Variants in CTPS2 observed in about 807,000 individuals in gnomAD.
CTPS2 encodes the protein CTP synthase 2.
CTPS2 carries 19 observed loss-of-function variants against 46.8 expected under a neutral mutation model. That is an observed-to-expected ratio of 0.41 (90% confidence interval 0.28 to 0.60). The LOEUF (loss-of-function observed/expected upper bound fraction) is 0.60, where lower values mean the gene tolerates loss of function less well. Ranked by LOEUF, CTPS2 falls within the 20% of genes least tolerant of loss-of-function variation. The probability of loss-of-function intolerance (pLI) is 0.35; values close to 1 mark genes in which losing one functional copy is unlikely to be tolerated. For synonymous variants in CTPS2, 151 were observed against 165.2 expected (o/e 0.91, Z 0.66); for missense variants, 286 against 447.6 (o/e 0.64, Z 3.26).
intron 14 of CTPS2, among the ~76,000 whole-genome samples, chrX:16,625,245 G>A (rs1300891608): frequency 8.9e-6 from 1 of 112,608 alleles, no homozygotes; most frequent in African/African-American, 3.2e-5. Context: ...CTACAATATG[G>A]ATGAACCTTG....
intron 13 of CTPS2, among the ~76,000 whole-genome samples, chrX:16,663,775 GAGAGAC>G (rs1360789271): frequency 9.0e-6 from 1 of 111,429 alleles, no homozygotes; most frequent in Non-Finnish European, 1.9e-5. Flanking sequence ...GGGGGCAAAG[GAGAGAC>G]AGTTCTGTAC....
At chrX:16,644,203 T>C (rs1285345576) in intron 13 of CTPS2, among the ~76,000 whole-genome samples, 1 of 109,712 alleles carries the variant, frequency 9.1e-6, no homozygotes, top group Non-Finnish European at 1.9e-5. Context: ...GGCATGATCA[T>C]AGCTCATTAC....
chrX:16,663,457 T>C (rs900660235), intron 13 of CTPS2, among the ~76,000 whole-genome samples: 8 of 111,881 alleles, frequency 7.2e-5, no homozygotes, highest in African/African-American at 2.6e-4. Flanking sequence ...AAGATCTTTT[T>C]TTTAAACGCA....
chrX:16,635,739 G>A (rs780206498), intron 14 of CTPS2, among the ~76,000 whole-genome samples: 1 of 112,400 alleles, frequency 8.9e-6, no homozygotes, highest in African/African-American at 3.2e-5. Flanking sequence ...ATGCCACTCA[G>A]TAGAGCCTTG....
chrX:16,643,878 T>TACTTTTCCCAAGATACCTTCTCC (rs1932190457), intron 13 of CTPS2, among the ~76,000 whole-genome samples: 1 of 111,116 alleles, frequency 9.0e-6, no homozygotes, highest in Admixed American at 9.6e-5. Context: ...CCTCCTTCTC[T>TACTTTTCCCAAGATACCTTCTCC]ACTTTTCCCA....
chrX:16,704,714 G>A (rs1459300700), intron 1 of CTPS2, among the ~76,000 whole-genome samples: 3 of 111,340 alleles, frequency 2.7e-5, no homozygotes, highest in Non-Finnish European at 3.8e-5. Flanking sequence ...TTGGGAGGCT[G>A]AGGCGGGCAG....
chrX:16,667,439 C>A, intron 13 of CTPS2, 75 bp downstream of exon 13: 1 of 1,069,775 alleles, frequency 9.3e-7, no homozygotes, highest in Non-Finnish European at 1.3e-6. Context: ...CAGCCAATAG[C>A]CCCTTATGAA....
At chrX:16,670,948 C>T (rs1921696856) in intron 10 of CTPS2, among the ~76,000 whole-genome samples, 1 of 111,662 alleles carries the variant, frequency 9.0e-6, no homozygotes, top group Admixed American at 9.6e-5. Context: ...AAACCCAATT[C>T]AATTAAGAAT....
chrX:16,672,918 G>A (rs1458411255), intron 10 of CTPS2, among the ~76,000 whole-genome samples: 15 of 79,333 alleles, frequency 1.9e-4, no homozygotes, highest in African/African-American at 4.9e-4. Flanking sequence ...ACGGAGTCTC[G>A]CTCTGTCGCC....
intron 13 of CTPS2, among the ~76,000 whole-genome samples, chrX:16,648,511 T>C (rs889728119): frequency 8.9e-6 from 1 of 112,515 alleles, no homozygotes; most frequent in Admixed American, 9.4e-5. Flanking sequence ...ATAGTTCTTG[T>C]TATGATTAAG....
At chrX:16,600,821 A>G (rs1052830568) in intron 17 of CTPS2, among the ~76,000 whole-genome samples, 9 of 112,517 alleles carry the variant, frequency 8.0e-5, no homozygotes, top group Non-Finnish European at 1.7e-4. Context: ...AGAAAGCAAA[A>G]TAGAATCTTT....
intron 4 of CTPS2, among the ~76,000 whole-genome samples, chrX:16,694,867 C>T (rs938291589): frequency 1.8e-5 from 2 of 111,687 alleles, no homozygotes; most frequent in African/African-American, 6.5e-5. Context: ...GGCGGCACGG[C>T]GCCTATGGTC....
intron 8 of CTPS2, among the ~76,000 whole-genome samples, chrX:16,687,727 T>C (rs150977998): frequency 3.9e-3 from 434 of 110,354 alleles, no homozygotes; most frequent in African/African-American, 0.014. Context: ...CCCCAGAAAA[T>C]CTAAAGCATT....
intron 11 of CTPS2, among the ~76,000 whole-genome samples, chrX:16,668,797 G>A (rs1339690856): frequency 9.4e-6 from 1 of 106,666 alleles, no homozygotes; most frequent in Non-Finnish European, 1.9e-5. Context: ...AAGGAAGGAA[G>A]GAAGGAAGGA....
chrX:16,707,965 G>C (rs749003180), intron 1 of CTPS2, among the ~76,000 whole-genome samples: 1 of 111,061 alleles, frequency 9.0e-6, no homozygotes, highest in African/African-American at 3.3e-5. Flanking sequence ...CTGGACAATA[G>C]GGTGAGACTC....
At position 16,627,055 on chromosome X, in the gene CTPS2, G is replaced by A. The variant is rs768483765; in HGVS notation, c.1394-6723C>T. 7.9e-5 allele frequency: 9 copies of A among 113,441 alleles called. No individual in the cohort carries two copies. The South Asian group carries it at 2.9e-3, about 37-fold the overall frequency. The allele number at this position is 113,441 out of a possible 1,213,427, so 9.3% of individuals were successfully genotyped here. A position where few individuals can be genotyped will look rare whatever the true frequency, so the allele number is the denominator to read the frequency against. Reference sequence around the variant, plus strand: ...TGCAGTTTTTGCCATTATTTTCGACGGCAAAAACCGCAATTACTTTTGCAC... The same window carrying A: ...TGCAGTTTTTGCCATTATTTTCGACAGCAAAAACCGCAATTACTTTTGCAC... On this transcript the variant is annotated intron_variant, in intron 14 of 18. Coordinates refer to ENST00000359276, the MANE Select transcript of CTPS2 (RefSeq NM_175859.3).
At chrX:16,634,058 C>A (rs1274111499) in intron 14 of CTPS2, among the ~76,000 whole-genome samples, 1 of 111,359 alleles carries the variant, frequency 9.0e-6, no homozygotes, top group Non-Finnish European at 1.9e-5. Flanking sequence ...CTCCTTAACG[C>A]GATTAAATAC....
rs1328618034 is a variant in CTPS2 at position 16,589,505 on chromosome X, C to T, written c.*312G>A. ...CCTGGACTCTTGCTCGTCATCCTAA[C>T]ATCCTGATCCGCTGGACAAAACATG... On this transcript the variant is annotated 3_prime_UTR_variant, in exon 19 of 19. Transcript: ENST00000359276. The T allele has an allele frequency of 8.9e-6, 1 of 112,343 alleles. No homozygotes were observed. Among genetic ancestry groups the T allele is most frequent in the Non-Finnish European group, 1.9e-5 (1 of 53,308 alleles). 9.3% of individuals were successfully genotyped at this position (112,343 alleles called of 1,213,427 possible). A position where few individuals can be genotyped will look rare whatever the true frequency, so the allele number is the denominator to read the frequency against.
intron 11 of CTPS2, among the ~76,000 whole-genome samples, chrX:16,669,300 C>T (rs1478647820): frequency 9.0e-6 from 1 of 110,811 alleles, no homozygotes; most frequent in African/African-American, 3.3e-5. Flanking sequence ...TGCCAAAGAG[C>T]ATCCCAGATG....
Sources: allele counts gnomAD v4.1 joint callset (sites outside exome capture counted in the v4.1 genomes callset), GRCh38; gene constraint gnomAD v4.1.1; transcripts MANE v1.5; gene names NCBI Gene and HGNC (gene_info 2026-07-23, HGNC 2026-07-21).